Variants in PRPF3 observed in about 807,000 individuals in gnomAD.
PRPF3 encodes U4/U6 small nuclear ribonucleoprotein Prp3.
A neutral mutation model predicts 89.2 loss-of-function variants in PRPF3; 3 were observed. That is an observed-to-expected ratio of 0.03 (90% CI 0.02 to 0.09). PRPF3 has a LOEUF of 0.09. Among genes scored for constraint, PRPF3 ranks in the 10% least tolerant of loss-of-function variants. The pLI, the probability that PRPF3 is intolerant of heterozygous loss-of-function variation, is 1.00. For missense variants in PRPF3, 463 were observed against 828.8 expected (o/e 0.56, Z 5.42); for synonymous variants, 270 against 289.1 (o/e 0.93, Z 0.67).
chr1:150,346,235 G>A, intron 13 of PRPF3, 99 bp downstream of exon 13: 1 of 1,271,608 alleles, frequency 7.9e-7, no homozygotes, highest in South Asian at 1.2e-5. Context: ...GTATTTTAGT[G>A]CCATACCTGA....
At chr1:150,341,811 C>A (rs587745783) in intron 9 of PRPF3, among the ~76,000 whole-genome samples, 22 of 150,990 alleles carry the variant, frequency 1.5e-4, no homozygotes, top group Non-Finnish European at 2.9e-4. Flanking sequence ...TGAAGCTATT[C>A]TCCGGCCTTA....
chr1:150,335,355 A>G, intron 7 of PRPF3, 114 bp downstream of exon 7: 1 of 1,276,446 alleles, frequency 7.8e-7, no homozygotes, highest in African/African-American at 1.5e-5. Flanking sequence ...TTAAAGCAGC[A>G]GTCCTCAACC....
At chr1:150,344,613 C>T in intron 12 of PRPF3, 66 bp downstream of exon 12, 2 of 1,538,570 alleles carry the variant, frequency 1.3e-6, no homozygotes, top group South Asian at 2.3e-5. Flanking sequence ...GTGCTTGAGG[C>T]AGAATCATTG....
In PRPF3 at chr1:150,353,050, A is replaced by C. The variant is rs1560127150; in HGVS notation, c.*71A>C. On this transcript the variant is annotated 3_prime_UTR_variant, in exon 16 of 16. Coordinates refer to ENST00000324862, the MANE Select transcript of PRPF3 (RefSeq NM_004698.4). ...AGTCCTCTCACTTATTCTATTTCCC[A>C]ACCCCCTCCCACTTGTTTGTGTGAT... The C allele has an allele frequency of 3.8e-6, 6 of 1,589,476 alleles. No homozygotes were observed. Among genetic ancestry groups the C allele is most frequent in the Non-Finnish European group, 3.5e-6 (4 of 1,159,036 alleles).
intron 4 of PRPF3, 122 bp downstream of exon 4, chr1:150,328,588 T>C (rs1038328604): frequency 9.0e-7 from 1 of 1,107,486 alleles, no homozygotes; most frequent in Non-Finnish European, 1.3e-6. Context: ...GTTTTGCTCT[T>C]GTCACCCAGG....
chr1:150,325,495 G>T (rs1397597104), intron 2 of PRPF3, among the ~76,000 whole-genome samples: 2 of 152,042 alleles, frequency 1.3e-5, no homozygotes, highest in African/African-American at 2.4e-5. Context: ...AGGTGAGGGT[G>T]GTTATTCATC....
intron 7 of PRPF3, among the ~76,000 whole-genome samples, chr1:150,336,800 T>A (rs893116806): frequency 4.0e-5 from 6 of 151,590 alleles, no homozygotes; most frequent in African/African-American, 4.8e-5. Context: ...ATAATTTTTT[T>A]AGCAGATTTT....
chr1:150,321,891 G>A (rs1655083988), intron 1 of PRPF3, among the ~76,000 whole-genome samples: 1 of 151,902 alleles, frequency 6.6e-6, no homozygotes, highest in Non-Finnish European at 1.5e-5. Flanking sequence ...GGGGAGTGGG[G>A]GGCTGCAGAG....
At chr1:150,343,499 T>C (rs374342462) in intron 10 of PRPF3, 47 bp downstream of exon 10, 22 of 1,604,438 alleles carry the variant, frequency 1.4e-5, no homozygotes, top group Non-Finnish European at 1.8e-5. Flanking sequence ...GGCAAGTTTA[T>C]GTCTTTAATC....
intron 6 of PRPF3, among the ~76,000 whole-genome samples, chr1:150,334,305 CA>C (rs781849466): frequency 6.7e-6 from 1 of 149,766 alleles, no homozygotes; most frequent in African/African-American, 2.5e-5. Flanking sequence ...GACCATGTCT[CA>C]AAAAAAAAGA....
intron 9 of PRPF3, among the ~76,000 whole-genome samples, chr1:150,341,245 T>C (rs1553870645): frequency 6.6e-6 from 1 of 152,030 alleles, no homozygotes; most frequent in African/African-American, 2.4e-5. Context: ...CATGTTGTTG[T>C]GGCATCCACA....
rs950220390 is a variant in PRPF3, at chr1:150,322,489, A to G, written c.-49+897A>G. On this transcript the variant is annotated intron_variant, in intron 1 of 15. Coordinates refer to ENST00000324862, the MANE Select transcript of PRPF3 (RefSeq NM_004698.4). ...TTTTCACTTTCTATGGCATCTGGAT[A>G]TGCCGCTTTTGTGCAATACATGTGT... Among the ~76,000 whole-genome samples, 6 of 152,200 alleles carry G rather than the reference A, an allele frequency of 3.9e-5. No homozygotes were observed. The South Asian group carries it at 6.2e-4, about 16-fold the overall frequency.
intron 7 of PRPF3, among the ~76,000 whole-genome samples, chr1:150,337,717 A>ACACTG (rs1211534405): frequency 1.1e-4 from 16 of 150,234 alleles, no homozygotes; most frequent in Non-Finnish European, 2.1e-4. Flanking sequence ...GGTGGAGCTT[A>ACACTG]CACTGCACTG....
At chr1:150,322,904 T>C (rs1294288993) in intron 1 of PRPF3, among the ~76,000 whole-genome samples, 1 of 151,516 alleles carries the variant, frequency 6.6e-6, no homozygotes, top group Non-Finnish European at 1.5e-5. Flanking sequence ...GGACGGAGTC[T>C]TGCTCTGTCG....
intron 1 of PRPF3, among the ~76,000 whole-genome samples, chr1:150,321,841 CT>C: frequency 6.6e-6 from 1 of 151,744 alleles, no homozygotes; most frequent in South Asian, 2.1e-4. Flanking sequence ...GAGTAAGAGA[CT>C]GGTTGGAGTG....
chr1:150,333,275 T>A (rs1157275049), intron 6 of PRPF3, 76 bp downstream of exon 6: 4 of 1,501,520 alleles, frequency 2.7e-6, no homozygotes, highest in Non-Finnish European at 3.7e-6. Context: ...ATGTTACTGA[T>A]CTGGCTGGGC....
chr1:150,325,739 T>C lies in PRPF3; in HGVS notation c.146-12T>C. 6.2e-7 allele frequency: 1 copy of C among 1,611,400 alleles called. No homozygotes were observed. The highest frequency in any genetic ancestry group is 8.5e-7 in the Non-Finnish European group (1 of 1,178,286). ...ACCTTTCCAACCCTACCACCGCCTT[T>C]CTTCCTGTCAGATCATCTGAAACCT... is the stretch of plus-strand genomic sequence containing the variant. On this transcript the variant is annotated splice_polypyrimidine_tract_variant and intron_variant, in intron 2 of 15. Transcript: ENST00000324862.
chr1:150,350,567 C>T (rs1560123697), intron 15 of PRPF3, among the ~76,000 whole-genome samples: 1 of 152,132 alleles, frequency 6.6e-6, no homozygotes. Context: ...GTAAAATGTG[C>T]TTATTTCTAT....
chr1:150,338,835 G>A (rs59540922), intron 8 of PRPF3, among the ~76,000 whole-genome samples: 3,055 of 152,138 alleles, frequency 0.02, 133 homozygotes, highest in African/African-American at 0.07. Context: ...ATTTGTAAGT[G>A]ATGTATCATA....
Sources: allele counts gnomAD v4.1 joint callset (sites outside exome capture counted in the v4.1 genomes callset), GRCh38; gene constraint gnomAD v4.1.1; transcripts MANE v1.5; gene names NCBI Gene and HGNC (gene_info 2026-07-23, HGNC 2026-07-21).